The following ITPR1 variants were observed in gnomAD, a reference collection of about 807,000 sequenced individuals.
The protein encoded by ITPR1 is inositol 1,4,5-trisphosphate receptor type 1.
ITPR1 carries 96 observed loss-of-function variants against 318.4 expected under a neutral mutation model. The ratio of observed to expected loss-of-function variants is 0.30; its 90% CI spans 0.26 to 0.36. The LOEUF (loss-of-function observed/expected upper bound fraction) is 0.36, where lower values mean the gene tolerates loss of function less well. Among genes scored for constraint, ITPR1 ranks in the 10% least tolerant of loss-of-function variants. ITPR1 has a pLI of 1.00. For synonymous variants in ITPR1, 1,312 were observed against 1,289.9 expected (o/e 1.02, Z -0.37); for missense variants, 2,440 against 3,460.2 (o/e 0.71, Z 7.40).
Position 4,683,457 on chromosome 3 carries a change from C to G in ITPR1, c.3233C>G (p.Thr1078Arg). ...RTFLRVLLHLTMHDYPPLVSG... is the reference protein window; with the variant it reads ...RTFLRVLLHLRMHDYPPLVSG... ...TTTCTCCGTGTCCTGCTCCACTTGA[C>G]GATGCATGACTACCCACCCCTGGTG... Residue 1078 changes from threonine (T) to arginine (R), a missense_variant, in exon 27 of 62, where the codon ACG becomes AGG. Thr to Arg is a moderately conservative substitution (Grantham distance 71, BLOSUM62 -1). Transcript: ENST00000649015. The G allele has an allele frequency of 6.2e-7, 1 of 1,614,040 alleles. No individual in the cohort carries two copies. The highest frequency in any genetic ancestry group is 8.5e-7 in the Non-Finnish European group (1 of 1,179,894).
chr3:4,710,325 G>C lies in ITPR1; in HGVS notation c.4843G>C (p.Asp1615His). 1 of 1,549,148 alleles carries C rather than the reference G, an allele frequency of 6.5e-7. No homozygotes were observed. The highest frequency in any genetic ancestry group is 8.8e-7 in the Non-Finnish European group (1 of 1,141,754). Residue 1615 changes from aspartate (D) to histidine (H), a missense_variant and splice_region_variant, in exon 38 of 62, where the codon GAC becomes CAC. Transcript: ENST00000649015. The surrounding 1 kb of genome is among the most constrained non-coding windows in gnomAD (Gnocchi z 4.2). ...DYRNIIERLQDIVSALEDRLR... is the reference protein window; with the variant it reads ...DYRNIIERLQHIVSALEDRLR... ...GACTGAGGCTGTGTTTCCGTTTTAGGACATCGTCTCCGCGCTGGAGGACCG... is the reference window on the plus strand; with the variant it reads ...GACTGAGGCTGTGTTTCCGTTTTAGCACATCGTCTCCGCGCTGGAGGACCG...
chr3:4,843,616 A>C (rs2051536574), intron 61 of ITPR1, among the ~76,000 whole-genome samples: 1 of 152,228 alleles, frequency 6.6e-6, no homozygotes, highest in Non-Finnish European at 1.5e-5. Flanking sequence ...ATTCTTCTAG[A>C]GAAACAGAAA....
At chr3:4,742,162 C>A (rs2043752913) in intron 44 of ITPR1, among the ~76,000 whole-genome samples, 1 of 152,164 alleles carries the variant, frequency 6.6e-6, no homozygotes, top group Admixed American at 6.5e-5. Flanking sequence ...AGGAGAGAGC[C>A]TATCAACTGC....
At chr3:4,846,078 G>A in intron 61 of ITPR1, 61 bp from the exon 62 acceptor site, 1 of 951,330 alleles carries the variant, frequency 1.1e-6, no homozygotes, top group Non-Finnish European at 1.6e-6. Context: ...CTATGGTTCA[G>A]TATGCGATTT....
intron 34 of ITPR1, among the ~76,000 whole-genome samples, chr3:4,698,556 C>G (rs537539773): frequency 6.6e-6 from 1 of 152,196 alleles, no homozygotes; most frequent in African/African-American, 2.4e-5. Flanking sequence ...CATGACTACT[C>G]AGTTCTGCCC....
At chr3:4,633,482 T>C (rs964386303) in intron 5 of ITPR1, among the ~76,000 whole-genome samples, 2 of 152,228 alleles carry the variant, frequency 1.3e-5, no homozygotes, top group Non-Finnish European at 2.9e-5. Flanking sequence ...AGTCAGACTA[T>C]TTTAAATTAA....
intron 60 of ITPR1, among the ~76,000 whole-genome samples, chr3:4,821,241 A>G (rs540505311): frequency 7.1e-4 from 108 of 152,312 alleles, no homozygotes; most frequent in African/African-American, 2.6e-3. Context: ...CCTCAGGAAA[A>G]ATACCTCTTG....
chr3:4,803,949 G>C (rs569192722), intron 54 of ITPR1, among the ~76,000 whole-genome samples: 1 of 152,166 alleles, frequency 6.6e-6, no homozygotes, highest in Admixed American at 6.5e-5. Context: ...TCGGCTCACT[G>C]CAACCTCCGC....
intron 61 of ITPR1, among the ~76,000 whole-genome samples, chr3:4,839,931 C>T (rs940590800): frequency 6.6e-6 from 1 of 150,818 alleles, no homozygotes; most frequent in Non-Finnish European, 1.5e-5. Context: ...TAAAAAGAAG[C>T]ATGAGAATCC....
chr3:4,645,224 G>C (rs1156503536), intron 8 of ITPR1, among the ~76,000 whole-genome samples, 163 bp from the exon 9 acceptor site: 3 of 152,162 alleles, frequency 2.0e-5, no homozygotes, highest in Non-Finnish European at 4.4e-5. Flanking sequence ...CTGCCAGCAG[G>C]CCAGTTGATT....
chr3:4,538,553 C>A (rs892251766), intron 4 of ITPR1, among the ~76,000 whole-genome samples: 1 of 152,158 alleles, frequency 6.6e-6, no homozygotes, highest in African/African-American at 2.4e-5. Context: ...TGGGTTTAAA[C>A]CCAAGGGAAT....
chr3:4,584,017 C>A (rs1321096530), intron 4 of ITPR1, among the ~76,000 whole-genome samples: 3 of 152,132 alleles, frequency 2.0e-5, no homozygotes, highest in Non-Finnish European at 4.4e-5. Context: ...ATTGCCTTTT[C>A]CCCAATTATC....
chr3:4,833,993 ACGATCCTCCTGC>A (rs1293687975), intron 60 of ITPR1, among the ~76,000 whole-genome samples: 1 of 152,086 alleles, frequency 6.6e-6, no homozygotes, highest in Non-Finnish European at 1.5e-5. Context: ...CTGGGCTCAA[ACGATCCTCCTGC>A]CCCAGCTTCC....
chr3:4,539,974 G>C (rs2084271488), intron 4 of ITPR1, among the ~76,000 whole-genome samples: 2 of 118,680 alleles, frequency 1.7e-5, no homozygotes, highest in African/African-American at 7.2e-5. Context: ...ATGGAAAGCA[G>C]ACTAAGATGC....
chr3:4,730,389 G>A (rs2042836278), intron 42 of ITPR1, among the ~76,000 whole-genome samples: 1 of 141,584 alleles, frequency 7.1e-6, no homozygotes, highest in African/African-American at 2.5e-5. Context: ...GTGTGTGTGT[G>A]TGTGTGTGTG....
chr3:4,587,949 C>G (rs750991820), intron 4 of ITPR1, among the ~76,000 whole-genome samples: 1 of 131,666 alleles, frequency 7.6e-6, no homozygotes, highest in Non-Finnish European at 1.6e-5. Context: ...AAAATAGAAG[C>G]TGTGTAGGGA....
At chr3:4,808,360 A>T (rs939283259) in intron 55 of ITPR1, among the ~76,000 whole-genome samples, 4 of 152,206 alleles carry the variant, frequency 2.6e-5, no homozygotes, top group African/African-American at 9.7e-5. Context: ...CCAAGTTGAC[A>T]CTGCCTTTTA....
intron 4 of ITPR1, among the ~76,000 whole-genome samples, chr3:4,572,432 A>G (rs775890954): frequency 1.1e-4 from 17 of 152,110 alleles, no homozygotes; most frequent in Non-Finnish European, 2.2e-4. Context: ...CTAATATAGT[A>G]TATATATTAT....
chr3:4,732,156 G>A (rs1035347203), intron 42 of ITPR1, among the ~76,000 whole-genome samples: 4 of 152,048 alleles, frequency 2.6e-5, no homozygotes, highest in Non-Finnish European at 5.9e-5. Flanking sequence ...AATGCAGAAC[G>A]CATGCTGCCT....
Sources: allele counts gnomAD v4.1 joint callset (sites outside exome capture counted in the v4.1 genomes callset), GRCh38; gene constraint gnomAD v4.1.1; non-coding constraint Gnocchi (gnomAD v3.1); transcripts MANE v1.5; gene names NCBI Gene and HGNC (gene_info 2026-07-23, HGNC 2026-07-21).